CYFIP2: variants seen among roughly 807,000 people sequenced by gnomAD.
CYFIP2 encodes the protein cytoplasmic FMR1-interacting protein 2.
A neutral mutation model predicts 158.7 loss-of-function variants in CYFIP2; 29 were observed. The observed-to-expected ratio is 0.18, with a 90% CI of 0.14 to 0.25. The LOEUF (loss-of-function observed/expected upper bound fraction) is 0.25, where lower values mean the gene tolerates loss of function less well. Among genes scored for constraint, CYFIP2 ranks in the 10% least tolerant of loss-of-function variants. CYFIP2 has a pLI of 1.00. For synonymous variants in CYFIP2, 585 were observed against 617.6 expected (o/e 0.95, Z 0.78); for missense variants, 852 against 1,639.5 (o/e 0.52, Z 8.29).
chr5:157,344,342 C>CT (rs1686026183), intron 23 of CYFIP2, among the ~76,000 whole-genome samples: 1 of 152,122 alleles, frequency 6.6e-6, no homozygotes, highest in Non-Finnish European at 1.5e-5. Flanking sequence ...TTCCTTTATT[C>CT]TTCATCACAT....
At chr5:157,272,853 T>C (rs796452253) in intron 1 of CYFIP2, among the ~76,000 whole-genome samples, 1 of 152,160 alleles carries the variant, frequency 6.6e-6, no homozygotes, top group South Asian at 2.1e-4. Flanking sequence ...GTTGCAATAC[T>C]TGTCTTTTTA....
chr5:157,293,054 GTATGTATGTA>G (rs1561697445), intron 3 of CYFIP2, among the ~76,000 whole-genome samples: 4 of 151,808 alleles, frequency 2.6e-5, no homozygotes, highest in African/African-American at 9.7e-5. Flanking sequence ...ATGTATGTAT[GTATGTATGTA>G]TGTGTGTTTG....
At chr5:157,315,794 A>G (rs138659137) in intron 13 of CYFIP2, among the ~76,000 whole-genome samples, 7 of 152,208 alleles carry the variant, frequency 4.6e-5, no homozygotes, top group Non-Finnish European at 8.8e-5. Flanking sequence ...CATGCTATGC[A>G]GTCTCTAAAA....
In CYFIP2 at chr5:157,361,239, ATGTGTGTGCG is replaced by A. The variant is rs1022463130; in HGVS notation, c.2909-220_2909-211del. On this transcript the variant is annotated intron_variant, in intron 25 of 30. Coordinates refer to ENST00000620254, the MANE Select transcript of CYFIP2 (RefSeq NM_001037333.3). The surrounding 1 kb of genome is among the most constrained non-coding windows in gnomAD (Gnocchi z 4.4). ...TGTGCCTGTGTTTGTGTGTGTGTGC[ATGTGTGTGCG>A]TGTGTGTGTTCTGAAAAAGACATGA... Among the ~76,000 whole-genome samples, 10 of 152,012 alleles carry A rather than the reference ATGTGTGTGCG, an allele frequency of 6.6e-5. No homozygotes were observed. The highest frequency in any genetic ancestry group is 1.3e-4 in the Admixed American group (2 of 15,266).
intron 13 of CYFIP2, among the ~76,000 whole-genome samples, chr5:157,318,691 C>T (rs1434851754): frequency 6.6e-6 from 1 of 152,190 alleles, no homozygotes; most frequent in East Asian, 1.9e-4. Flanking sequence ...CACCATGGAC[C>T]CAGACACTGG....
Position 157,309,766 on chromosome 5 carries a change from C to A in CYFIP2, c.924C>A (p.Phe308Leu). ...AGCAGCTGCAGGTGGTGCCCCTTTT[C>A]GGCGACATGCAGATAGAGCTGGCCA... is the stretch of plus-strand genomic sequence containing the variant. ...FFKQLQVVPL[F>L]GDMQIELARY... Residue 308 changes from phenylalanine (F) to leucine (L), a missense_variant, in exon 10 of 31, where the codon TTC (phenylalanine) becomes TTA (leucine). Phe to Leu is a conservative substitution (Grantham distance 22, BLOSUM62 0). Around this residue, in one of 8 missense-constraint regions of CYFIP2, gnomAD observed 133 missense variants for 197.1 expected, o/e 0.67. Coordinates refer to ENST00000620254, the MANE Select transcript of CYFIP2 (RefSeq NM_001037333.3). The A allele has an allele frequency of 6.2e-7, 1 of 1,606,904 alleles. No individual in the cohort carries two copies.
rs1021906508 is a variant in CYFIP2 at position 157,325,472 on chromosome 5, A to T, written c.1826-10A>T. ...AAAGTAACCAAAGGCTCGTTCCCTTATGCTTTCAGAAGCCCTGCAGCAGTG... is the reference window on the plus strand; with the variant it reads ...AAAGTAACCAAAGGCTCGTTCCCTTTTGCTTTCAGAAGCCCTGCAGCAGTG... On this transcript the variant is annotated splice_polypyrimidine_tract_variant and intron_variant, in intron 16 of 30. Coordinates refer to ENST00000620254, the MANE Select transcript of CYFIP2 (RefSeq NM_001037333.3). The T allele has an allele frequency of 2.5e-6, 4 of 1,597,972 alleles. No homozygotes were observed. The highest frequency in any genetic ancestry group is 1.3e-5 in the African/African-American group (1 of 74,088).
At chr5:157,290,948 G>T (rs757880237) in intron 3 of CYFIP2, among the ~76,000 whole-genome samples, 6 of 152,200 alleles carry the variant, frequency 3.9e-5, no homozygotes, top group Admixed American at 6.5e-5. Flanking sequence ...GTTCTTTGCT[G>T]GGGTGAGATG....
At chr5:157,312,742 C>T (rs578150266) in intron 11 of CYFIP2, among the ~76,000 whole-genome samples, 2 of 152,360 alleles carry the variant, frequency 1.3e-5, no homozygotes, top group African/African-American at 4.8e-5. Flanking sequence ...GACTTGTGGT[C>T]ATTAGACTTG....
chr5:157,276,867 A>G (rs1756586577), intron 1 of CYFIP2, among the ~76,000 whole-genome samples: 1 of 152,164 alleles, frequency 6.6e-6, no homozygotes, highest in African/African-American at 2.4e-5. Flanking sequence ...ATGGCATATA[A>G]TATTAGTTTT....
intron 26 of CYFIP2, chr5:157,364,201 T>TGGGGGGGGGGGGGGGGGGG (rs1330747273): frequency 2.7e-4 from 4 of 15,092 alleles, no homozygotes; most frequent in Non-Finnish European, 6.5e-4. Context: ...TGGGGCGGGG[T>TGGGGGGGGGGGGGGGGGGG]GGCGGGGGGG....
intron 17 of CYFIP2, 44 bp from the exon 18 acceptor site, chr5:157,326,127 G>A: frequency 7.1e-7 from 1 of 1,406,914 alleles, no homozygotes. Flanking sequence ...TCTTCCTTAA[G>A]GGGGGTTATT....
intron 28 of CYFIP2, among the ~76,000 whole-genome samples, chr5:157,386,866 G>A (rs949176502): frequency 6.7e-6 from 1 of 149,580 alleles, no homozygotes. Context: ...GTTGCAGTAA[G>A]CCGAGATTGC....
intron 26 of CYFIP2, among the ~76,000 whole-genome samples, chr5:157,379,213 A>AC (rs1308386113): frequency 3.9e-5 from 6 of 152,090 alleles, no homozygotes; most frequent in African/African-American, 1.2e-4. Flanking sequence ...TGATTATATT[A>AC]CTGCTTCTGT....
At chr5:157,337,634 T>G (rs772605720) in intron 21 of CYFIP2, among the ~76,000 whole-genome samples, 11 of 152,256 alleles carry the variant, frequency 7.2e-5, no homozygotes, top group Non-Finnish European at 1.6e-4. Context: ...CTGACCATGC[T>G]CTGGTCTCCA....
chr5:157,339,703 C>G (rs1762106850), intron 22 of CYFIP2, among the ~76,000 whole-genome samples: 2 of 152,278 alleles, frequency 1.3e-5, no homozygotes, highest in East Asian at 3.9e-4. Flanking sequence ...CTATTCCAGT[C>G]CAAAAAGTCA....
At chr5:157,330,710 T>C in intron 19 of CYFIP2, 32 bp from the exon 20 acceptor site, 5 of 1,568,192 alleles carry the variant, frequency 3.2e-6, no homozygotes, top group Non-Finnish European at 4.4e-6. Context: ...ACAATCTGTT[T>C]ACTGGCCTTG....
rs374424841 is a variant in CYFIP2 at position 157,323,841 on chromosome 5, A to G, written c.1672-80A>G. 1.1e-5 allele frequency: 16 copies of G among 1,397,016 alleles called. No individual in the cohort carries two copies. The Admixed American group carries it at 1.4e-4, about 12-fold the overall frequency. 86.5% of individuals were successfully genotyped at this position (1,397,016 alleles called of 1,614,324 possible). A position where few individuals can be genotyped will look rare whatever the true frequency, so the allele number is the denominator to read the frequency against. On this transcript the variant is annotated intron_variant, in intron 15 of 30. Transcript: ENST00000620254. ...GACATCTGCAGAAAAAAAAAAATACATAAATACAACATGAAGCAACCTTTT... is the reference window on the plus strand; with the variant it reads ...GACATCTGCAGAAAAAAAAAAATACGTAAATACAACATGAAGCAACCTTTT...
intron 1 of CYFIP2, among the ~76,000 whole-genome samples, chr5:157,282,222 G>A (rs1208728762): frequency 2.0e-5 from 3 of 152,242 alleles, no homozygotes; most frequent in Non-Finnish European, 4.4e-5. Flanking sequence ...GGAGGCCACA[G>A]AAAGCTTTCA....
Sources: gnomAD v4.1 joint callset for allele counts (sites outside exome capture counted in the v4.1 genomes callset) on GRCh38, gnomAD v4.1.1 for gene constraint, gnomAD v4.1.1 regional missense constraint, Gnocchi (gnomAD v3.1) non-coding constraint, MANE v1.5 for transcripts, NCBI Gene and HGNC (gene_info 2026-07-23, HGNC 2026-07-21) for gene names.